LGSN: variants seen among roughly 807,000 people sequenced by gnomAD.
LGSN encodes the protein lengsin.
LGSN carries 21 observed loss-of-function variants against 19.5 expected under a neutral mutation model. The ratio of observed to expected loss-of-function variants is 1.07; its 90% CI spans 0.76 to 1.55. LGSN has a LOEUF of 1.55. Among genes scored for constraint, LGSN ranks in the 40% most tolerant of loss-of-function variants. The pLI, the probability that LGSN is intolerant of heterozygous loss-of-function variation, is 0.00. For synonymous variants in LGSN, 257 were observed against 215.6 expected (o/e 1.19, Z -1.68); for missense variants, 673 against 608.5 (o/e 1.11, Z -1.12).
the LGSN span, among the ~76,000 whole-genome samples, chr6:63,462,896 A>C: frequency 1.3e-5 from 2 of 152,364 alleles, no homozygotes; most frequent in Non-Finnish European, 1.5e-5. Context: ...ATTTATGTTC[A>C]GGTGTGTCTT....
At chr6:63,392,881 CTTTTTTT>C in the LGSN span, among the ~76,000 whole-genome samples, 11 of 109,914 alleles carry the variant, frequency 1.0e-4, no homozygotes, top group South Asian at 3.0e-4. Context: ...TCTTCTTCTT[CTTTTTTT>C]TTTTTTTTTT....
the LGSN span, among the ~76,000 whole-genome samples, chr6:63,331,200 G>A: frequency 6.6e-6 from 1 of 152,330 alleles, no homozygotes; most frequent in African/African-American, 2.4e-5. Flanking sequence ...GGTGTAAGCT[G>A]AGAGGTCCTC....
chr6:63,459,550 C>T, the LGSN span, among the ~76,000 whole-genome samples: 1 of 152,062 alleles, frequency 6.6e-6, no homozygotes, highest in Non-Finnish European at 1.5e-5. Context: ...CCACCATACC[C>T]ACCCCCGCCG....
At chr6:63,554,123 A>T in the LGSN span, among the ~76,000 whole-genome samples, 2 of 152,328 alleles carry the variant, frequency 1.3e-5, no homozygotes, top group South Asian at 4.1e-4. Context: ...TCAAAGTAAC[A>T]GATGGTAGCC....
chr6:63,572,937 G>A, the LGSN span, among the ~76,000 whole-genome samples: 2 of 152,176 alleles, frequency 1.3e-5, no homozygotes, highest in Non-Finnish European at 2.9e-5. Flanking sequence ...GGGCTGCGGG[G>A]TGGCGGTTGG....
chr6:63,486,551 T>G, the LGSN span, among the ~76,000 whole-genome samples: 1 of 152,206 alleles, frequency 6.6e-6, no homozygotes, highest in Non-Finnish European at 1.5e-5. Flanking sequence ...AGGGCAAAGA[T>G]GCAGAGGTAG....
the LGSN span, among the ~76,000 whole-genome samples, chr6:63,485,305 C>A: frequency 3.3e-5 from 5 of 152,102 alleles, no homozygotes; most frequent in African/African-American, 1.2e-4. Flanking sequence ...TCTGTTCCTG[C>A]ATTAGTTTGC....
At chr6:63,529,887 A>C in the LGSN span, among the ~76,000 whole-genome samples, 1 of 152,354 alleles carries the variant, frequency 6.6e-6, no homozygotes, top group South Asian at 2.1e-4. Context: ...ATATGTCTGC[A>C]GTTACCAGTA....
At chr6:63,389,397 A>G in the LGSN span, among the ~76,000 whole-genome samples, 1 of 152,232 alleles carries the variant, frequency 6.6e-6, no homozygotes, top group East Asian at 1.9e-4. Context: ...TTAAACAAGT[A>G]ATAGAAACTA....
the LGSN span, chr6:63,571,434 G>A: frequency 6.6e-6 from 1 of 152,208 alleles, no homozygotes; most frequent in African/African-American, 2.4e-5. Context: ...AGGGTTTTCA[G>A]ATTATAAATA....
chr6:63,439,362 A>G, the LGSN span, among the ~76,000 whole-genome samples: 2 of 152,058 alleles, frequency 1.3e-5, no homozygotes, highest in Admixed American at 6.6e-5. Flanking sequence ...TAATAATAAT[A>G]CAATTAAAAA....
the LGSN span, among the ~76,000 whole-genome samples, chr6:63,330,010 T>C: frequency 6.6e-6 from 1 of 152,110 alleles, no homozygotes; most frequent in African/African-American, 2.4e-5. Context: ...TAGTTAAACA[T>C]ACCCGGGGCT....
chr6:63,336,557 G>A, the LGSN span, among the ~76,000 whole-genome samples: 14,158 of 135,450 alleles, frequency 0.1, 871 homozygotes, highest in African/African-American at 0.18. Flanking sequence ...GTGTGTGTGT[G>A]TGTGTATATA....
the LGSN span, chr6:63,397,219 G>A: frequency 6.6e-6 from 1 of 152,140 alleles, no homozygotes; most frequent in Non-Finnish European, 1.5e-5. Flanking sequence ...GTCCAGCTCT[G>A]TGTCTTAAAT....
the LGSN span, chr6:63,481,825 C>T: frequency 3.2e-6 from 1 of 313,200 alleles, no homozygotes; most frequent in Admixed American, 3.6e-5. Flanking sequence ...AGGAGCAGAT[C>T]ACTGCTTTGA....
At chr6:63,281,931 T>C (rs1767337488) in intron 3 of LGSN, among the ~76,000 whole-genome samples, 1 of 152,228 alleles carries the variant, frequency 6.6e-6, no homozygotes, top group African/African-American at 2.4e-5. Context: ...CAGCATGAAC[T>C]GGGTGTCAAC....
chr6:63,377,913 CAAAAAAA>C, the LGSN span, among the ~76,000 whole-genome samples: 11 of 54,324 alleles, frequency 2.0e-4, no homozygotes, highest in Non-Finnish European at 3.5e-4. Flanking sequence ...GACTCCATCT[CAAAAAAA>C]AAAAAAAAAA....
the LGSN span, among the ~76,000 whole-genome samples, chr6:63,480,958 T>G: frequency 0.19 from 6,460 of 34,152 alleles, 333 homozygotes; most frequent in East Asian, 0.38. Flanking sequence ...TATATATATA[T>G]ATATATATAT....
At chr6:63,484,780 T>C in the LGSN span, among the ~76,000 whole-genome samples, 1 of 152,222 alleles carries the variant, frequency 6.6e-6, no homozygotes, top group Non-Finnish European at 1.5e-5. Context: ...AAATAACTTC[T>C]GGACCAGTTG....
Sources: allele counts gnomAD v4.1 joint callset (sites outside exome capture counted in the v4.1 genomes callset), GRCh38; gene constraint gnomAD v4.1.1; transcripts MANE v1.5; gene names NCBI Gene and HGNC (gene_info 2026-07-23, HGNC 2026-07-21).